ADK: variants seen among roughly 807,000 people sequenced by gnomAD.
ADK encodes the protein N6,N6-dimethyladenosine kinase.
ADK carries 24 observed loss-of-function variants against 44.7 expected under a neutral mutation model. The observed-to-expected ratio is 0.54, with a 90% CI of 0.39 to 0.76. The LOEUF (loss-of-function observed/expected upper bound fraction) is 0.76, where lower values mean the gene tolerates loss of function less well. Ranked by LOEUF, ADK falls within the 30% of genes least tolerant of loss-of-function variation. ADK has a pLI of 0.00. For missense variants in ADK, 321 were observed against 425.1 expected (o/e 0.76, Z 2.15); for synonymous variants, 128 against 142.6 (o/e 0.90, Z 0.73).
chr10:74,445,864 T>C (rs982254858), intron 6 of ADK, among the ~76,000 whole-genome samples: 1 of 152,110 alleles, frequency 6.6e-6, no homozygotes, highest in African/African-American at 2.4e-5. Flanking sequence ...AAAGAATTGC[T>C]GTTCCACATT....
At chr10:74,344,788 TG>T (rs1211781938) in intron 4 of ADK, 2 of 184,866 alleles carry the variant, frequency 1.1e-5, no homozygotes, top group African/African-American at 2.4e-5. Context: ...GATCAGATTC[TG>T]GTATTTGTGC....
At chr10:74,368,426 G>T (rs1842560341) in intron 4 of ADK, among the ~76,000 whole-genome samples, 1 of 151,750 alleles carries the variant, frequency 6.6e-6, no homozygotes, top group African/African-American at 2.4e-5. Context: ...ACCTTTTGCA[G>T]TGTTTTTTTT....
At chr10:74,623,597 A>G (rs1391937905) in intron 9 of ADK, among the ~76,000 whole-genome samples, 4 of 152,066 alleles carry the variant, frequency 2.6e-5, no homozygotes, top group Non-Finnish European at 5.9e-5. Flanking sequence ...TTGTGCGTGC[A>G]TATCTTGTAA....
intron 8 of ADK, among the ~76,000 whole-genome samples, chr10:74,598,441 C>CTTTTTTTT (rs915433699): frequency 3.6e-5 from 4 of 111,778 alleles, no homozygotes; most frequent in Non-Finnish European, 7.3e-5. Flanking sequence ...AATCTTATTC[C>CTTTTTTTT]TTTTTTTTTT....
chr10:74,591,227 G>C (rs983563488), intron 8 of ADK, among the ~76,000 whole-genome samples: 14 of 151,868 alleles, frequency 9.2e-5, no homozygotes, highest in Non-Finnish European at 2.1e-4. Flanking sequence ...CTTTCCATTA[G>C]TTCTTACTTA....
Position 74,589,372 on chromosome 10 carries a change from A to C in ADK, c.762+55A>C, listed in dbSNP as rs1851641200. The C allele has an allele frequency of 1.9e-6, 3 of 1,562,302 alleles. No homozygotes were observed. In the South Asian group the frequency reaches 3.3e-5, roughly 17 times the overall value. Reference sequence around the variant, plus strand: ...AGATCCTAAAGGTTTTTTCTAGCTGATAATGAAGTTCTTTTGGACAGTGAT... The same window carrying C: ...AGATCCTAAAGGTTTTTTCTAGCTGCTAATGAAGTTCTTTTGGACAGTGAT... On this transcript the variant is annotated intron_variant, in intron 8 of 10. Transcript: ENST00000539909.
chr10:74,654,339 G>C (rs1440289020), intron 9 of ADK, among the ~76,000 whole-genome samples: 1 of 152,166 alleles, frequency 6.6e-6, no homozygotes, highest in Non-Finnish European at 1.5e-5. Flanking sequence ...TGACGCCTTG[G>C]TCCAAATTAT....
At chr10:74,187,262 A>G (rs1325146577) in intron 1 of ADK, among the ~76,000 whole-genome samples, 1 of 152,224 alleles carries the variant, frequency 6.6e-6, no homozygotes, top group Non-Finnish European at 1.5e-5. Context: ...TCACTGAATA[A>G]TATTTCATTG....
intron 4 of ADK, among the ~76,000 whole-genome samples, chr10:74,346,981 C>T (rs906883600): frequency 2.6e-5 from 4 of 151,450 alleles, no homozygotes; most frequent in Admixed American, 2.6e-4. Flanking sequence ...ATGGTGGGCA[C>T]CTGTAGTCCC....
rs1592115815 is a variant in ADK at position 74,372,033 on chromosome 10, G to A, written c.274-22108G>A. 5.2e-6 allele frequency: 4 copies of A among 768,034 alleles called. No homozygotes were observed. The East Asian group carries it at 9.7e-5, about 19-fold the overall frequency. 47.6% of individuals were successfully genotyped at this position (768,034 alleles called of 1,614,324 possible). A position where few individuals can be genotyped will look rare whatever the true frequency, so the allele number is the denominator to read the frequency against. ...CATTGCCATTCTATGCAACAATAAG[G>A]GAGCTCACTCAATGGGTTTGATGTG... On this transcript the variant is annotated intron_variant, in intron 4 of 10. Coordinates refer to ENST00000539909, the MANE Select transcript of ADK (RefSeq NM_006721.4).
chr10:74,159,990 A>G (rs1399306611), intron 1 of ADK, among the ~76,000 whole-genome samples: 1 of 152,204 alleles, frequency 6.6e-6, no homozygotes, highest in African/African-American at 2.4e-5. Flanking sequence ...TTTCAGTGTA[A>G]CAAGATGGCA....
At chr10:74,581,936 A>G (rs922004070) in intron 7 of ADK, among the ~76,000 whole-genome samples, 3 of 152,182 alleles carry the variant, frequency 2.0e-5, no homozygotes, top group Non-Finnish European at 2.9e-5. Context: ...TGCCTGTAAC[A>G]ATTACCTGCT....
In ADK at chr10:74,443,999, T is replaced by A. The variant is rs529502999; in HGVS notation, c.555+45420T>A. Among the ~76,000 whole-genome samples the A allele has an allele frequency of 3.9e-5, 6 of 152,192 alleles. No homozygotes were observed. In the East Asian group the frequency reaches 9.6e-4, roughly 24 times the overall value. ...TAGTATTTAGAATAAAACTCATGTGTTAGTAAGCCAGTGAGAAAGAATCAT... is the reference window on the plus strand; with the variant it reads ...TAGTATTTAGAATAAAACTCATGTGATAGTAAGCCAGTGAGAAAGAATCAT... On this transcript the variant is annotated intron_variant, in intron 6 of 10. Coordinates refer to ENST00000539909, the MANE Select transcript of ADK (RefSeq NM_006721.4).
chr10:74,224,077 C>CAACAAACA (rs760742313), intron 2 of ADK, among the ~76,000 whole-genome samples: 1 of 152,054 alleles, frequency 6.6e-6, no homozygotes, highest in African/African-American at 2.4e-5. Context: ...GACTCTATCT[C>CAACAAACA]AACAAATAAA....
At chr10:74,348,200 G>T (rs1169347820) in intron 4 of ADK, among the ~76,000 whole-genome samples, 1 of 152,180 alleles carries the variant, frequency 6.6e-6, no homozygotes, top group Non-Finnish European at 1.5e-5. Context: ...CTGGCATCAG[G>T]CTGGTGCCCC....
intron 9 of ADK, among the ~76,000 whole-genome samples, chr10:74,608,946 G>C (rs969733513): frequency 6.6e-6 from 1 of 152,102 alleles, no homozygotes; most frequent in Non-Finnish European, 1.5e-5. Flanking sequence ...CTAGAGAGGC[G>C]GTCTGGCTAC....
At chr10:74,181,816 C>T (rs146788245) in intron 1 of ADK, among the ~76,000 whole-genome samples, 110 of 152,220 alleles carry the variant, frequency 7.2e-4, no homozygotes, top group African/African-American at 2.3e-3. Context: ...TTTTGGGCAT[C>T]GCTTACAGCT....
At chr10:74,630,851 T>C (rs548011940) in intron 9 of ADK, among the ~76,000 whole-genome samples, 1 of 152,208 alleles carries the variant, frequency 6.6e-6, no homozygotes, top group African/African-American at 2.4e-5. Context: ...CCTTATAAAC[T>C]TCTCAATTCA....
chr10:74,330,447 A>G (rs905172168), intron 4 of ADK, among the ~76,000 whole-genome samples: 2 of 152,166 alleles, frequency 1.3e-5, no homozygotes, highest in African/African-American at 2.4e-5. Flanking sequence ...TTTTTAAAGC[A>G]TGTTCACAAG....
Sources: gnomAD v4.1 joint callset for allele counts (sites outside exome capture counted in the v4.1 genomes callset) on GRCh38, gnomAD v4.1.1 for gene constraint, MANE v1.5 for transcripts, NCBI Gene and HGNC (gene_info 2026-07-23, HGNC 2026-07-21) for gene names.